Variants in SLC24A3 observed in about 807,000 individuals in gnomAD.
The protein encoded by SLC24A3 is sodium/potassium/calcium exchanger 3.
A neutral mutation model predicts 75.8 loss-of-function variants in SLC24A3; 28 were observed. That is an observed-to-expected ratio of 0.37 (90% CI 0.27 to 0.51). The LOEUF (loss-of-function observed/expected upper bound fraction) is 0.51. Ranked by LOEUF, SLC24A3 falls within the 20% of genes least tolerant of loss-of-function variation. SLC24A3 has a pLI of 0.94. For missense variants in SLC24A3, 663 were observed against 847.8 expected (o/e 0.78, Z 2.71); for synonymous variants, 372 against 334.1 (o/e 1.11, Z -1.24).
At chr20:19,404,008 G>A (rs1317180868) in intron 2 of SLC24A3, among the ~76,000 whole-genome samples, 1 of 152,196 alleles carries the variant, frequency 6.6e-6, no homozygotes, top group East Asian at 1.9e-4. Flanking sequence ...GCTAAGCTTT[G>A]GGACTTGATG....
chr20:19,680,266 G>C (rs569135061), intron 9 of SLC24A3, among the ~76,000 whole-genome samples: 14 of 152,232 alleles, frequency 9.2e-5, no homozygotes, highest in African/African-American at 2.6e-4. Flanking sequence ...AGTTGCCCAT[G>C]GTTGGAAACT....
At chr20:19,508,091 G>T (rs1988486021) in intron 2 of SLC24A3, among the ~76,000 whole-genome samples, 1 of 152,194 alleles carries the variant, frequency 6.6e-6, no homozygotes, top group African/African-American at 2.4e-5. Flanking sequence ...AGAAAGAGAG[G>T]CAGGGAAGGC....
intron 2 of SLC24A3, among the ~76,000 whole-genome samples, chr20:19,378,147 A>G (rs1986118591): frequency 6.6e-6 from 1 of 152,202 alleles, no homozygotes; most frequent in Non-Finnish European, 1.5e-5. Context: ...TCCAGGAACG[A>G]GAACCCTGTA....
intron 2 of SLC24A3, among the ~76,000 whole-genome samples, chr20:19,393,952 C>T (rs1322464598): frequency 6.6e-6 from 1 of 152,124 alleles, no homozygotes; most frequent in African/African-American, 2.4e-5. Flanking sequence ...TTACTGATTA[C>T]AAAATATATT....
intron 2 of SLC24A3, among the ~76,000 whole-genome samples, chr20:19,465,922 A>T (rs1005565116): frequency 6.6e-6 from 1 of 152,174 alleles, no homozygotes; most frequent in Non-Finnish European, 1.5e-5. Flanking sequence ...GAGAAATGAC[A>T]TCTTTTAAAG....
chr20:19,315,602 G>A (rs1984568236), intron 2 of SLC24A3, among the ~76,000 whole-genome samples: 1 of 152,144 alleles, frequency 6.6e-6, no homozygotes, highest in African/African-American at 2.4e-5. Context: ...CCTGGTTGTG[G>A]TCATAGAAAT....
chr20:19,716,647 C>CTAAT (rs2033049784), intron 15 of SLC24A3, among the ~76,000 whole-genome samples: 1 of 151,908 alleles, frequency 6.6e-6, no homozygotes, highest in Admixed American at 6.6e-5. Flanking sequence ...TTTGGGTGGC[C>CTAAT]GAGCTGGGAG....
chr20:19,375,546 G>A (rs1289915809), intron 2 of SLC24A3, among the ~76,000 whole-genome samples: 2 of 152,210 alleles, frequency 1.3e-5, no homozygotes, highest in African/African-American at 2.4e-5. Context: ...AGGTTAAAGC[G>A]TTCATGGAGT....
rs140630416 is a variant in SLC24A3, at chr20:19,358,386, C to G, written c.271+77299C>G. On this transcript the variant is annotated intron_variant, in intron 2 of 16. Transcript: ENST00000328041. ...AGACCTCCACTATGGAAACTTTGGT[C>G]TCATTTTGGGAAAAAGGAGACTAGA... Among the ~76,000 whole-genome samples the G allele has an allele frequency of 5.6e-3, 854 of 152,304 alleles. 8 individuals carry two copies. The highest frequency in any genetic ancestry group is 5.8e-3 in the Admixed American group (89 of 15,308).
intron 3 of SLC24A3, among the ~76,000 whole-genome samples, chr20:19,555,013 G>A (rs2031028401): frequency 6.6e-6 from 1 of 152,174 alleles, no homozygotes; most frequent in Non-Finnish European, 1.5e-5. Flanking sequence ...ATTGGATTAA[G>A]CAGATAGGTT....
At chr20:19,645,814 G>C (rs2032129924) in intron 6 of SLC24A3, among the ~76,000 whole-genome samples, 1 of 152,226 alleles carries the variant, frequency 6.6e-6, no homozygotes, top group African/African-American at 2.4e-5. Context: ...AGCACTGTGA[G>C]AGGCCAAAGC....
chr20:19,669,531 A>G (rs1442333399), intron 8 of SLC24A3, among the ~76,000 whole-genome samples: 1 of 151,660 alleles, frequency 6.6e-6, no homozygotes, highest in Non-Finnish European at 1.5e-5. Flanking sequence ...AAAGTGTCAG[A>G]GGCCCACATA....
At chr20:19,565,601 T>A (rs573177215) in intron 3 of SLC24A3, among the ~76,000 whole-genome samples, 13 of 152,262 alleles carry the variant, frequency 8.5e-5, no homozygotes, top group Middle Eastern at 6.8e-3. Context: ...TGGTCCCCCA[T>A]TGCATATGGA....
intron 2 of SLC24A3, among the ~76,000 whole-genome samples, chr20:19,342,641 A>G (rs1454723168): frequency 6.6e-6 from 1 of 152,234 alleles, no homozygotes; most frequent in Non-Finnish European, 1.5e-5. Flanking sequence ...TTTCTAGTGG[A>G]AGAAGGAGTG....
chr20:19,681,788 C>G, intron 9 of SLC24A3, 70 bp from the exon 10 acceptor site: 1 of 1,609,096 alleles, frequency 6.2e-7, no homozygotes, highest in South Asian at 1.1e-5. Flanking sequence ...CTCAGAAGCA[C>G]TTGGTGGGAG....
intron 1 of SLC24A3, among the ~76,000 whole-genome samples, chr20:19,248,736 C>T (rs1016733094): frequency 2.0e-5 from 3 of 151,940 alleles, no homozygotes; most frequent in Admixed American, 6.6e-5. Context: ...AGCCAAGATA[C>T]GGCAGCAACC....
At chr20:19,487,461 TAAC>T (rs1253271813) in intron 2 of SLC24A3, among the ~76,000 whole-genome samples, 1 of 152,156 alleles carries the variant, frequency 6.6e-6, no homozygotes. Context: ...ATAATAATAA[TAAC>T]AACAATAGCA....
intron 2 of SLC24A3, among the ~76,000 whole-genome samples, chr20:19,335,005 A>G (rs1985096734): frequency 1.3e-5 from 2 of 152,342 alleles, no homozygotes; most frequent in African/African-American, 4.8e-5. Flanking sequence ...TTTAGTCTGA[A>G]TCAGAACTTT....
intron 1 of SLC24A3, among the ~76,000 whole-genome samples, chr20:19,235,208 G>A (rs1236503933): frequency 2.0e-5 from 3 of 152,212 alleles, no homozygotes; most frequent in Admixed American, 6.5e-5. Flanking sequence ...GCCTGGAGCT[G>A]TAGCTGCTTG....
Sources: gnomAD v4.1 joint callset for allele counts (sites outside exome capture counted in the v4.1 genomes callset) on GRCh38, gnomAD v4.1.1 for gene constraint, MANE v1.5 for transcripts, NCBI Gene and HGNC (gene_info 2026-07-23, HGNC 2026-07-21) for gene names.